Variants in KCTD8 observed in about 807,000 individuals in gnomAD.
KCTD8 encodes potassium channel tetramerization domain containing 8.
KCTD8 carries 27 observed loss-of-function variants against 31.5 expected under a neutral mutation model. The ratio of observed to expected loss-of-function variants is 0.86; its 90% CI spans 0.63 to 1.18. The LOEUF (loss-of-function observed/expected upper bound fraction) is 1.18, where lower values mean the gene tolerates loss of function less well. Among genes scored for constraint, KCTD8 ranks in the 50% most tolerant of loss-of-function variants. KCTD8 has a pLI of 0.00. For synonymous variants in KCTD8, 290 were observed against 280.0 expected (o/e 1.04, Z -0.36); for missense variants, 658 against 647.7 (o/e 1.02, Z -0.17).
chr4:44,408,646 GTCTT>G (rs1720871039), intron 1 of KCTD8, among the ~76,000 whole-genome samples: 1 of 152,116 alleles, frequency 6.6e-6, no homozygotes, highest in Non-Finnish European at 1.5e-5. Context: ...TTTAGACGGA[GTCTT>G]GCGCTGTTGC....
At chr4:44,202,884 T>C (rs1714191876) in intron 1 of KCTD8, among the ~76,000 whole-genome samples, 1 of 152,308 alleles carries the variant, frequency 6.6e-6, no homozygotes, top group Middle Eastern at 3.4e-3. Flanking sequence ...AAATTTTCTT[T>C]AGTTAGAGCA....
chr4:44,294,695 T>C (rs1244257306), intron 1 of KCTD8, among the ~76,000 whole-genome samples: 2 of 152,208 alleles, frequency 1.3e-5, no homozygotes, highest in Non-Finnish European at 2.9e-5. Context: ...TAACTCTCTA[T>C]AGCATCCTAT....
intron 1 of KCTD8, among the ~76,000 whole-genome samples, chr4:44,436,790 T>TA (rs745664185): frequency 5.3e-5 from 8 of 151,820 alleles, no homozygotes; most frequent in Admixed American, 2.0e-4. Flanking sequence ...CTAGAAACTT[T>TA]AAAAAAAATG....
At chr4:44,235,578 T>TATATATATAG (rs1553895183) in intron 1 of KCTD8, among the ~76,000 whole-genome samples, 15 of 64,096 alleles carry the variant, frequency 2.3e-4, no homozygotes, top group South Asian at 6.2e-4. Flanking sequence ...TATATATATT[T>TATATATATAG]AGAGAGAGAG....
At chr4:44,315,805 C>T (rs577951491) in intron 1 of KCTD8, among the ~76,000 whole-genome samples, 9 of 152,116 alleles carry the variant, frequency 5.9e-5, no homozygotes, top group Admixed American at 1.3e-4. Context: ...ATGTTGCTGA[C>T]GAGAAGTCTG....
chr4:44,254,361 C>T (rs1715932382), intron 1 of KCTD8, among the ~76,000 whole-genome samples: 1 of 151,850 alleles, frequency 6.6e-6, no homozygotes, highest in Non-Finnish European at 1.5e-5. Flanking sequence ...TACAGGAAAA[C>T]ACGTTTTTAA....
intron 1 of KCTD8, among the ~76,000 whole-genome samples, chr4:44,348,884 A>C (rs1185563528): frequency 1.3e-5 from 2 of 152,082 alleles, no homozygotes; most frequent in Admixed American, 6.6e-5. Flanking sequence ...GTCAGTTGGC[A>C]CAGTCCTCCC....
chr4:44,420,381 C>T (rs1011064978), intron 1 of KCTD8, among the ~76,000 whole-genome samples: 28 of 152,206 alleles, frequency 1.8e-4, no homozygotes, highest in South Asian at 2.1e-4. Context: ...TCAAAATACA[C>T]GTGGACAATC....
At chr4:44,426,715 C>T (rs1053990085) in intron 1 of KCTD8, among the ~76,000 whole-genome samples, 1 of 151,760 alleles carries the variant, frequency 6.6e-6, no homozygotes, top group Non-Finnish European at 1.5e-5. Flanking sequence ...AAGTCTCTTC[C>T]TCCCCCAAAT....
At chr4:44,351,007 A>G (rs999610468) in intron 1 of KCTD8, among the ~76,000 whole-genome samples, 3 of 152,028 alleles carry the variant, frequency 2.0e-5, no homozygotes, top group South Asian at 2.1e-4. Flanking sequence ...CAATATGTCA[A>G]TTTTATTCAG....
chr4:44,300,151 T>G (rs906086287), intron 1 of KCTD8, among the ~76,000 whole-genome samples: 2 of 152,132 alleles, frequency 1.3e-5, no homozygotes, highest in Non-Finnish European at 2.9e-5. Context: ...TAGAATAACA[T>G]GCTGTTTTGA....
At chr4:44,220,238 T>C (rs1331185123) in intron 1 of KCTD8, among the ~76,000 whole-genome samples, 1 of 152,090 alleles carries the variant, frequency 6.6e-6, no homozygotes, top group East Asian at 1.9e-4. Context: ...ATAATCACAG[T>C]GATGATGAAA....
intron 1 of KCTD8, among the ~76,000 whole-genome samples, chr4:44,225,037 T>A (rs1298471573): frequency 6.6e-6 from 1 of 152,222 alleles, no homozygotes; most frequent in African/African-American, 2.4e-5. Flanking sequence ...TATAAGCATC[T>A]ACTCCCCAAC....
At chr4:44,218,652 A>G (rs1027208578) in intron 1 of KCTD8, among the ~76,000 whole-genome samples, 8 of 151,274 alleles carry the variant, frequency 5.3e-5, no homozygotes, top group Admixed American at 4.6e-4. Context: ...AAAAAAAATT[A>G]AAAATGTGGC....
chr4:44,425,073 A>T (rs1721313195), intron 1 of KCTD8, among the ~76,000 whole-genome samples: 1 of 152,008 alleles, frequency 6.6e-6, no homozygotes, highest in Non-Finnish European at 1.5e-5. Flanking sequence ...GCAAGCCACA[A>T]AGAGAGGCCT....
At chr4:44,388,475 C>T (rs1314438672) in intron 1 of KCTD8, among the ~76,000 whole-genome samples, 2 of 151,838 alleles carry the variant, frequency 1.3e-5, no homozygotes, top group Non-Finnish European at 2.9e-5. Flanking sequence ...CAGTGATAGA[C>T]TGGATAAAGA....
intron 1 of KCTD8, among the ~76,000 whole-genome samples, chr4:44,179,949 C>T (rs1229165392): frequency 6.6e-6 from 1 of 152,044 alleles, no homozygotes; most frequent in Non-Finnish European, 1.5e-5. Flanking sequence ...TGCAGGCTTC[C>T]AGGGATAATT....
At chr4:44,279,172 C>T (rs749985310) in intron 1 of KCTD8, among the ~76,000 whole-genome samples, 12 of 152,006 alleles carry the variant, frequency 7.9e-5, no homozygotes, top group Non-Finnish European at 4.4e-5. Flanking sequence ...TAACAATCAC[C>T]ATAAACTTAG....
intron 1 of KCTD8, among the ~76,000 whole-genome samples, chr4:44,195,316 CA>C (rs985780370): frequency 1.3e-5 from 2 of 152,014 alleles, no homozygotes; most frequent in African/African-American, 4.8e-5. Flanking sequence ...AATTTCAATA[CA>C]ATTGTAGCTG....
Sources: gnomAD v4.1 joint callset for allele counts (sites outside exome capture counted in the v4.1 genomes callset) on GRCh38, gnomAD v4.1.1 for gene constraint, MANE v1.5 for transcripts, NCBI Gene and HGNC (gene_info 2026-07-23, HGNC 2026-07-21) for gene names.